Variants in SPARCL1 observed in about 807,000 individuals in gnomAD.
The protein encoded by SPARCL1 is SPARC-like protein 1.
SPARCL1 carries 52 observed loss-of-function variants against 67.1 expected under a neutral mutation model. The ratio of observed to expected loss-of-function variants is 0.78; its 90% CI spans 0.62 to 0.98. The LOEUF (loss-of-function observed/expected upper bound fraction) is 0.98, where lower values mean the gene tolerates loss of function less well. SPARCL1 is among the 50% of genes least tolerant of loss of function. SPARCL1 has a pLI of 0.00. For synonymous variants in SPARCL1, 226 were observed against 267.8 expected (o/e 0.84, Z 1.52); for missense variants, 717 against 782.4 (o/e 0.92, Z 1.00).
intron 1 of SPARCL1, among the ~76,000 whole-genome samples, chr4:87,511,028 A>G (rs928464424): frequency 6.6e-6 from 1 of 152,122 alleles, no homozygotes; most frequent in South Asian, 2.1e-4. Flanking sequence ...CCTGCAAGGG[A>G]TTGAGCAGGG....
At chr4:87,507,362 T>A (rs1457682368) in intron 1 of SPARCL1, among the ~76,000 whole-genome samples, 2 of 152,216 alleles carry the variant, frequency 1.3e-5, no homozygotes, top group Non-Finnish European at 2.9e-5. Context: ...TCACATGATC[T>A]CACAAGTTCC....
At chr4:87,504,754 A>C (rs764652597) in intron 1 of SPARCL1, 4 of 152,228 alleles carry the variant, frequency 2.6e-5, no homozygotes, top group Non-Finnish European at 4.4e-5. Flanking sequence ...ACAAATTGAG[A>C]TTTCACTTTG....
chr4:87,516,490 A>G (rs1484701620), intron 1 of SPARCL1, among the ~76,000 whole-genome samples: 1 of 152,234 alleles, frequency 6.6e-6, no homozygotes, highest in Non-Finnish European at 1.5e-5. Flanking sequence ...AGCTCATTCA[A>G]TGGCATATAC....
At chr4:87,508,448 T>C (rs1725201042) in intron 1 of SPARCL1, among the ~76,000 whole-genome samples, 1 of 151,892 alleles carries the variant, frequency 6.6e-6, no homozygotes, top group African/African-American at 2.4e-5. Flanking sequence ...GATTGTCCCA[T>C]CTTGGCCTCC....
At chr4:87,518,163 A>G (rs1290624840) in intron 1 of SPARCL1, among the ~76,000 whole-genome samples, 1 of 152,234 alleles carries the variant, frequency 6.6e-6, no homozygotes, top group Non-Finnish European at 1.5e-5. Flanking sequence ...GTTCTTTGAA[A>G]ATAGGGTGAA....
chr4:87,495,618 A>C (rs1405252000), intron 2 of SPARCL1, among the ~76,000 whole-genome samples: 3 of 152,144 alleles, frequency 2.0e-5, no homozygotes, highest in African/African-American at 7.2e-5. Context: ...ATTGGCCTTA[A>C]CGTTGGTCAG....
chr4:87,480,495 T>C lies in SPARCL1; in HGVS notation c.1694A>G (p.Lys565Arg), dbSNP rs745649839. ...GGGATGGTCCCCAGCCAAAAGCCTC[T>C]TTTCATCCAGGTAAATTTTCTTGAC... ...NKVKKIYLDE[K>R]RLLAGDHPID... Residue 565 changes from lysine (K) to arginine (R), a missense_variant, in exon 9 of 11, where the codon AAG (lysine) becomes AGG (arginine). Coordinates refer to ENST00000282470, the MANE Select transcript of SPARCL1 (RefSeq NM_004684.6). The C allele has an allele frequency of 3.7e-6, 6 of 1,609,896 alleles. No individual in the cohort carries two copies. The highest frequency in any genetic ancestry group is 5.1e-6 in the Non-Finnish European group (6 of 1,178,956).
intron 1 of SPARCL1, among the ~76,000 whole-genome samples, chr4:87,517,455 A>G (rs138740620): frequency 5.7e-4 from 87 of 152,290 alleles, no homozygotes; most frequent in Non-Finnish European, 9.1e-4. Context: ...CATGTTGTTA[A>G]TAGTAAGACA....
chr4:87,507,303 A>G (rs139625052), intron 1 of SPARCL1, among the ~76,000 whole-genome samples: 145 of 152,322 alleles, frequency 9.5e-4, no homozygotes, highest in African/African-American at 3.4e-3. Flanking sequence ...AACATGCATA[A>G]CTAATTAAAT....
chr4:87,500,973 T>G (rs1023850735), intron 1 of SPARCL1, among the ~76,000 whole-genome samples: 4 of 152,250 alleles, frequency 2.6e-5, no homozygotes. Flanking sequence ...TGAACGATAT[T>G]TTGCTTTGGT....
At chr4:87,525,623 G>A (rs576969408) in intron 1 of SPARCL1, among the ~76,000 whole-genome samples, 18 of 152,280 alleles carry the variant, frequency 1.2e-4, no homozygotes, top group African/African-American at 4.1e-4. Flanking sequence ...ACTAGCCACT[G>A]TTTTAGCAGC....
chr4:87,496,206 AC>A (rs927454950), intron 2 of SPARCL1, among the ~76,000 whole-genome samples: 5 of 152,148 alleles, frequency 3.3e-5, no homozygotes, highest in Non-Finnish European at 2.9e-5. Flanking sequence ...TAATTAAAAA[AC>A]ATTAATAAAA....
At chr4:87,515,134 T>G (rs1725528160) in intron 1 of SPARCL1, among the ~76,000 whole-genome samples, 1 of 152,214 alleles carries the variant, frequency 6.6e-6, no homozygotes. Flanking sequence ...TAAATCAATA[T>G]TATTTTGCTC....
chr4:87,501,221 T>C (rs4693166), intron 1 of SPARCL1, among the ~76,000 whole-genome samples: 72,625 of 151,846 alleles, frequency 0.48, 18,401 homozygotes, highest in East Asian at 0.75. Flanking sequence ...CTGGTGTATC[T>C]CCGGCTGCTG....
chr4:87,480,362 G>T lies in SPARCL1; in HGVS notation c.1817+10C>A. 6.4e-7 allele frequency: 1 copy of T among 1,553,496 alleles called. No individual in the cohort carries two copies. The highest frequency in any genetic ancestry group is 8.7e-7 in the Non-Finnish European group (1 of 1,152,164). The stretch of plus-strand genomic sequence containing the variant: ...ATAAATCTAGAAATGGAAAGGTAAA[G>T]AGTTCTTACCTATCCATAGGGTGTT... On this transcript the variant is annotated intron_variant, in intron 9 of 10. Transcript: ENST00000282470.
chr4:87,490,053 T>TA (rs551937839), intron 7 of SPARCL1, among the ~76,000 whole-genome samples: 28 of 151,998 alleles, frequency 1.8e-4, no homozygotes, highest in African/African-American at 6.0e-4. Flanking sequence ...CAAAAACAAA[T>TA]AAAAAAAACA....
Position 87,474,721 on chromosome 4 carries a change from C to A in SPARCL1, c.1967-918G>T, listed in dbSNP as rs571706299. Among the ~76,000 whole-genome samples, 48 of 149,048 alleles carry A rather than the reference C, an allele frequency of 3.2e-4. 1 individual carries two copies. The South Asian group carries it at 9.8e-3, about 30-fold the overall frequency. On this transcript the variant is annotated intron_variant, in intron 10 of 10. Coordinates refer to ENST00000282470, the MANE Select transcript of SPARCL1 (RefSeq NM_004684.6). ...CAGTGCCTGCATTTATGTAGACCATCTGTAAAGATTTCTCTCTCTCTCTTT... is the reference window on the plus strand; with the variant it reads ...CAGTGCCTGCATTTATGTAGACCATATGTAAAGATTTCTCTCTCTCTCTTT...
rs778165548 is a variant in SPARCL1, at chr4:87,480,372, C to G, written c.1817G>C (p.Arg606Thr). 8 of 1,584,222 alleles carry G rather than the reference C, an allele frequency of 5.0e-6. No homozygotes were observed. The highest frequency in any genetic ancestry group is 6.9e-6 in the Non-Finnish European group (8 of 1,167,236). ...AAATGGAAAGGTAAAGAGTTCTTAC[C>G]TATCCATAGGGTGTTGGTCAAGTTC... is the stretch of plus-strand genomic sequence containing the variant. ...FSELDQHPMD[R>T]VLTHSELAPL... is the part of the protein sequence containing the mutation. Residue 606 changes from arginine to threonine, a missense_variant and splice_region_variant, in exon 9 of 11, where the codon AGA becomes ACA. Arg to Thr is a moderately conservative substitution (Grantham distance 71). Coordinates refer to ENST00000282470, the MANE Select transcript of SPARCL1 (RefSeq NM_004684.6).
rs776732402 is a variant in SPARCL1 at position 87,473,747 on chromosome 4, G to A, written c.*28C>T. ...AGTGGTTAGAACAGAGGAGGATGCT[G>A]GAAAGTTGAGTTCTTTAAAATCTTC... On this transcript the variant is annotated 3_prime_UTR_variant, in exon 11 of 11. Coordinates refer to ENST00000282470, the MANE Select transcript of SPARCL1 (RefSeq NM_004684.6). 6.3e-6 allele frequency: 10 copies of A among 1,577,696 alleles called. No individual in the cohort carries two copies. In the South Asian group the frequency reaches 1.0e-4, roughly 16 times the overall value.
Sources: allele counts gnomAD v4.1 joint callset (sites outside exome capture counted in the v4.1 genomes callset), GRCh38; gene constraint gnomAD v4.1.1; transcripts MANE v1.5; gene names NCBI Gene and HGNC (gene_info 2026-07-23, HGNC 2026-07-21).